DNAH11: variants seen among roughly 807,000 people sequenced by gnomAD.
DNAH11 encodes axonemal beta dynein heavy chain 11.
Under a neutral mutation model 526.0 loss-of-function variants are expected in DNAH11, and 442 were observed. The observed-to-expected ratio is 0.84, with a 90% CI of 0.78 to 0.91. The LOEUF (loss-of-function observed/expected upper bound fraction) is 0.91, where lower values mean the gene tolerates loss of function less well. DNAH11 is among the 40% of genes least tolerant of loss of function. The pLI is 0.00. For missense variants in DNAH11, 6,989 were observed against 5,448.7 expected, an observed-to-expected ratio of 1.28 and a Z score of -8.90; for synonymous variants, 2,461 against 1,935.9, an observed-to-expected ratio of 1.27 and a Z score of -7.12.
chr7:21,795,064 G>A (rs938513559), intron 61 of DNAH11, among the ~76,000 whole-genome samples: 1 of 152,106 alleles, frequency 6.6e-6, no homozygotes, highest in Admixed American at 6.5e-5. Flanking sequence ...TTTGTTTTGG[G>A]TTTTCTGTAG....
intron 74 of DNAH11, among the ~76,000 whole-genome samples, chr7:21,878,548 C>T (rs1783800436): frequency 6.6e-6 from 1 of 152,046 alleles, no homozygotes; most frequent in African/African-American, 2.4e-5. Context: ...ACAAGCTTGC[C>T]CTTTATTTGT....
chr7:21,816,573 C>T lies in DNAH11; in HGVS notation c.10439C>T (p.Thr3480Ile). The T allele has an allele frequency of 3.1e-6, 5 of 1,613,406 alleles. No individual in the cohort carries two copies. The highest frequency in any genetic ancestry group is 4.2e-6 in the Non-Finnish European group (5 of 1,179,748). ...NEGLPSDRMS[T>I]ENAAILTHCE... ...GGACTGCCCAGTGACAGAATGTCCA[C>T]CGAAAATGCCGCTATCCTAACACAC... Residue 3480 changes from threonine (T) to isoleucine (I), a missense_variant, in exon 64 of 82, where the codon ACC becomes ATC. Physicochemically the swap from Thr to Ile is moderately conservative, Grantham distance 89. Transcript: ENST00000409508.
chr7:21,728,343 A>C lies in DNAH11; in HGVS notation c.7440+2359A>C, dbSNP rs767814292. Among the ~76,000 whole-genome samples, 49 of 136,296 alleles carry C rather than the reference A, an allele frequency of 3.6e-4. 1 individual carries two copies. Among genetic ancestry groups the C allele is most frequent in the Admixed American group, 3.0e-3 (36 of 11,840 alleles). 89.4% of individuals were successfully genotyped at this position (136,296 alleles called of 152,430 possible). On this transcript the variant is annotated intron_variant, in intron 45 of 81. Coordinates refer to ENST00000409508, the MANE Select transcript of DNAH11 (RefSeq NM_001277115.2). Reference sequence around the variant, plus strand: ...TGCAATCTTGGCTCACTGCAACCTCAGCCTCCCAGCTTCAAGCAATTCTCC... The same window carrying C: ...TGCAATCTTGGCTCACTGCAACCTCCGCCTCCCAGCTTCAAGCAATTCTCC...
intron 25 of DNAH11, among the ~76,000 whole-genome samples, chr7:21,626,677 G>A (rs1786351162): frequency 6.8e-6 from 1 of 147,672 alleles, no homozygotes; most frequent in African/African-American, 2.5e-5. Flanking sequence ...ATTGTATTAT[G>A]ATTTGCATTT....
intron 45 of DNAH11, among the ~76,000 whole-genome samples, chr7:21,728,635 G>T (rs759334658): frequency 6.6e-6 from 1 of 152,076 alleles, no homozygotes; most frequent in Non-Finnish European, 1.5e-5. Context: ...TCATCTACAT[G>T]ATACATTTCA....
chr7:21,830,008 T>A (rs991181005), intron 65 of DNAH11, among the ~76,000 whole-genome samples: 1 of 152,334 alleles, frequency 6.6e-6, no homozygotes, highest in African/African-American at 2.4e-5. Flanking sequence ...AAGTTAGACG[T>A]CTTTTTGCCC....
intron 69 of DNAH11, among the ~76,000 whole-genome samples, chr7:21,863,234 T>C (rs1273513172): frequency 2.6e-5 from 4 of 152,374 alleles, no homozygotes; most frequent in East Asian, 1.9e-4. Context: ...TTACCTATTC[T>C]GTGTGTGCCA....
At chr7:21,580,034 A>G (rs757145742) in intron 8 of DNAH11, among the ~76,000 whole-genome samples, 11 of 152,198 alleles carry the variant, frequency 7.2e-5, no homozygotes, top group Non-Finnish European at 1.5e-4. Context: ...TAGAGAAGAT[A>G]ACAAGTTCAG....
chr7:21,786,893 A>T (rs1216917637), intron 59 of DNAH11, 126 bp downstream of exon 59: 24 of 1,358,704 alleles, frequency 1.8e-5, no homozygotes, highest in Admixed American at 1.4e-4. Flanking sequence ...GCTGAATGTA[A>T]TCTACTGTAT....
chr7:21,700,440 A>G (rs1048607572), intron 36 of DNAH11, among the ~76,000 whole-genome samples: 17 of 152,290 alleles, frequency 1.1e-4, no homozygotes, highest in African/African-American at 3.8e-4. Flanking sequence ...AGCTATTTGC[A>G]TTGTTTAAAT....
chr7:21,641,765 G>A (rs889944277), intron 28 of DNAH11, among the ~76,000 whole-genome samples: 1 of 152,140 alleles, frequency 6.6e-6, no homozygotes, highest in Non-Finnish European at 1.5e-5. Context: ...TCCATTATCA[G>A]TGTGACTTAC....
chr7:21,547,194 C>T (rs73064442), intron 2 of DNAH11, among the ~76,000 whole-genome samples: 15,958 of 152,220 alleles, frequency 0.1, 1,037 homozygotes, highest in Non-Finnish European at 0.15. Flanking sequence ...TCTAGAGATG[C>T]TTTAGCTGTT....
chr7:21,725,776 G>T (rs72657355), intron 44 of DNAH11, 35 bp from the exon 45 acceptor site: 2 of 1,572,926 alleles, frequency 1.3e-6, no homozygotes, highest in Admixed American at 3.7e-5. Context: ...TAATTACTTT[G>T]AGTCTGCAAT....
intron 65 of DNAH11, among the ~76,000 whole-genome samples, chr7:21,820,366 TTG>T (rs1409966963): frequency 4.0e-5 from 6 of 151,746 alleles, no homozygotes; most frequent in Non-Finnish European, 5.9e-5. Flanking sequence ...TGGCAAGGAG[TTG>T]TCAGTTCCAT....
At chr7:21,798,903 CTTA>C (rs1346339306) in intron 61 of DNAH11, among the ~76,000 whole-genome samples, 9 of 152,058 alleles carry the variant, frequency 5.9e-5, no homozygotes, top group African/African-American at 2.2e-4. Context: ...ACATGGTGAG[CTTA>C]TTAATATTAA....
chr7:21,564,193 C>G lies in DNAH11; in HGVS notation c.990C>G (p.Leu330=), dbSNP rs376448045. ...GTGGTTCTTTGCTTTCAGCTCTTCT[C>G]GAAGCCCAAGATGTGGAACTTTACC... is the stretch of plus-strand genomic sequence containing the variant. ...DIFLAVENAL[L]EAQDVELYLR... Residue 330 remains leucine, a synonymous_variant, in exon 6 of 82, where the codon CTC becomes CTG. Coordinates refer to ENST00000409508, the MANE Select transcript of DNAH11 (RefSeq NM_001277115.2). The G allele has an allele frequency of 3.2e-6, 5 of 1,571,754 alleles. No homozygotes were observed. Among genetic ancestry groups the G allele is most frequent in the Non-Finnish European group, 4.3e-6 (5 of 1,161,198 alleles).
intron 61 of DNAH11, among the ~76,000 whole-genome samples, chr7:21,789,823 TC>T (rs1364165226): frequency 4.3e-5 from 5 of 116,628 alleles, no homozygotes; most frequent in African/African-American, 1.2e-4. Context: ...TTTCTTTCTT[TC>T]TTTCTTTCTT....
At chr7:21,748,233 C>G (rs1022006902) in intron 51 of DNAH11, among the ~76,000 whole-genome samples, 2 of 152,190 alleles carry the variant, frequency 1.3e-5, no homozygotes, top group African/African-American at 4.8e-5. Flanking sequence ...CCTGTAATCC[C>G]AGCACTTTGG....
At chr7:21,604,117 C>A (rs1167530704) in intron 18 of DNAH11, among the ~76,000 whole-genome samples, 1 of 152,122 alleles carries the variant, frequency 6.6e-6, no homozygotes, top group Non-Finnish European at 1.5e-5. Context: ...TATGAGAAGT[C>A]ATAACATTTT....
Sources: allele counts gnomAD v4.1 joint callset (sites outside exome capture counted in the v4.1 genomes callset), GRCh38; gene constraint gnomAD v4.1.1; transcripts MANE v1.5; gene names NCBI Gene and HGNC (gene_info 2026-07-23, HGNC 2026-07-21).